GUF1: variants seen among roughly 807,000 people sequenced by gnomAD.
GUF1 encodes the protein translation factor GUF1, mitochondrial.
A neutral mutation model predicts 82.4 loss-of-function variants in GUF1; 78 were observed. The ratio of observed to expected loss-of-function variants is 0.95; its 90% CI spans 0.79 to 1.14. GUF1 has a LOEUF of 1.14. Ranked by LOEUF, GUF1 falls within the 50% of genes most tolerant of loss-of-function variation. GUF1 has a pLI of 0.00. For synonymous variants in GUF1, 279 were observed against 282.3 expected, an observed-to-expected ratio of 0.99 and a Z score of 0.12; for missense variants, 814 against 798.2, an observed-to-expected ratio of 1.02 and a Z score of -0.24.
chr4:44,697,332 G>A, intron 15 of GUF1, 76 bp from the exon 16 acceptor site: 1 of 822,570 alleles, frequency 1.2e-6, no homozygotes, highest in Non-Finnish European at 1.9e-6. Context: ...GTAAAGGGGA[G>A]ATTGTTTTTG....
At chr4:44,681,806 TC>T (rs1475931026) in intron 4 of GUF1, among the ~76,000 whole-genome samples, 1 of 152,066 alleles carries the variant, frequency 6.6e-6, no homozygotes, top group East Asian at 1.9e-4. Context: ...CCTGATCCCA[TC>T]AAGGAAAGTC....
chr4:44,698,510 A>G, intron 16 of GUF1, 34 bp from the exon 17 acceptor site: 4 of 1,537,994 alleles, frequency 2.6e-6, no homozygotes, highest in Non-Finnish European at 3.5e-6. Context: ...CTTTAGAGTG[A>G]CTTAGACTTC....
chr4:44,683,854 C>T (rs892390300), intron 6 of GUF1, among the ~76,000 whole-genome samples: 1 of 151,984 alleles, frequency 6.6e-6, no homozygotes, highest in African/African-American at 2.4e-5. Context: ...GTTAAACAGC[C>T]ACAGCCAAAC....
chr4:44,683,167 G>A lies in GUF1; in HGVS notation c.586-68G>A, dbSNP rs4695035. On this transcript the variant is annotated intron_variant, in intron 5 of 16. Transcript: ENST00000281543. ...AGTGGGTAAGCTTTTAATTACCTCCGAATACTGTTAATACATAATACATCT... is the reference window on the plus strand; with the variant it reads ...AGTGGGTAAGCTTTTAATTACCTCCAAATACTGTTAATACATAATACATCT... 24 of 967,820 alleles carry A rather than the reference G, an allele frequency of 2.5e-5. 1 individual carries two copies. Among genetic ancestry groups the A allele is most frequent in the African/African-American group, 1.9e-4 (11 of 56,730 alleles). The allele number at this position is 967,820 out of a possible 1,614,324, so 60.0% of individuals were successfully genotyped here.
At chr4:44,679,281 T>C (rs1714629588) in intron 1 of GUF1, among the ~76,000 whole-genome samples, 1 of 152,190 alleles carries the variant, frequency 6.6e-6, no homozygotes, top group Non-Finnish European at 1.5e-5. Flanking sequence ...TTTAGACTAA[T>C]ACCTAGAATG....
At chr4:44,685,756 C>T (rs1715008577) in intron 6 of GUF1, among the ~76,000 whole-genome samples, 1 of 152,022 alleles carries the variant, frequency 6.6e-6, no homozygotes, top group Non-Finnish European at 1.5e-5. Flanking sequence ...TAATTCCATT[C>T]TAGAACTGTA....
In GUF1 at chr4:44,689,358, C is replaced by A; in HGVS notation, c.1151C>A (p.Ser384Tyr). ...SAIEKLTLNDSSVTVHRDSSL... is the reference protein window; with the variant it reads ...SAIEKLTLNDYSVTVHRDSSL... ...ATAGAAAAACTGACTTTAAATGATT[C>A]CAGTGTGACCGTTCATCGGGATAGT... is the stretch of plus-strand genomic sequence containing the variant. Residue 384 changes from serine (S) to tyrosine (Y), a missense_variant, in exon 10 of 17, where the codon TCC becomes TAC. Physicochemically the swap from Ser to Tyr is moderately radical, Grantham distance 144 (BLOSUM62 -2). Transcript: ENST00000281543. 6.2e-7 allele frequency: 1 copy of A among 1,609,818 alleles called. No homozygotes were observed. Among genetic ancestry groups the A allele is most frequent in the South Asian group, 1.1e-5 (1 of 90,798 alleles).
At chr4:44,683,660 C>T (rs1268394141) in intron 6 of GUF1, among the ~76,000 whole-genome samples, 3 of 152,068 alleles carry the variant, frequency 2.0e-5, no homozygotes, top group Admixed American at 2.0e-4. Context: ...AGTGGAAATA[C>T]TGTCTTTGAA....
intron 10 of GUF1, 67 bp downstream of exon 10, chr4:44,689,476 TA>T: frequency 6.9e-7 from 1 of 1,448,834 alleles, no homozygotes. Flanking sequence ...AAAATATTTT[TA>T]TAGGAAAGGG....
intron 4 of GUF1, among the ~76,000 whole-genome samples, chr4:44,681,839 G>C (rs1714790116): frequency 6.6e-6 from 1 of 151,960 alleles, no homozygotes; most frequent in Non-Finnish European, 1.5e-5. Flanking sequence ...TATGTAGGCA[G>C]TACTGGCCTT....
chr4:44,686,400 T>C lies in GUF1; in HGVS notation c.735-110T>C, dbSNP rs563095434. 689 of 588,906 alleles carry C rather than the reference T, an allele frequency of 1.2e-3. 1 individual carries two copies. The African/African-American group carries it at 0.012, about 10-fold the overall frequency. 36.5% of individuals were successfully genotyped at this position (588,906 alleles called of 1,614,324 possible). On this transcript the variant is annotated intron_variant, in intron 7 of 16. Coordinates refer to ENST00000281543, the MANE Select transcript of GUF1 (RefSeq NM_021927.3). ...AAAGGTCTTTTTATTTAGGCTGTTG[T>C]GTATCAAACTTTCTCAAGAACTCAA... is the stretch of plus-strand genomic sequence containing the variant.
Position 44,691,801 on chromosome 4 carries a change from TA to T in GUF1, c.1613+9del. 7.6e-6 allele frequency: 12 copies of T among 1,574,420 alleles called. No homozygotes were observed. The highest frequency in any genetic ancestry group is 1.9e-5 in the Admixed American group (1 of 53,098). On this transcript the variant is annotated splice_donor_region_variant and intron_variant, in intron 13 of 16. Coordinates refer to ENST00000281543, the MANE Select transcript of GUF1 (RefSeq NM_021927.3). ...ATCCCTATCTTCTGGATATGCTAGG[TA>T]AAAAAATAATGAGAACCTAAGATGC...
chr4:44,689,313 A>G lies in GUF1; in HGVS notation c.1106A>G (p.Tyr369Cys), dbSNP rs1240941969. 3 of 1,609,370 alleles carry G rather than the reference A, an allele frequency of 1.9e-6. No individual in the cohort carries two copies. The highest frequency in any genetic ancestry group is 1.7e-5 in the Admixed American group (1 of 59,634). The change falls in exon 10 of 17, where the codon TAT becomes TGT. Residue 369 changes from tyrosine to cysteine, a missense_variant. Transcript: ENST00000281543. ...AGMYPLDQSE[Y>C]NNLKSAIEKL... ...ATGTATCCTCTAGACCAATCTGAATATAACAATCTGAAGAGTGCTATAGAA... is the reference window on the plus strand; with the variant it reads ...ATGTATCCTCTAGACCAATCTGAATGTAACAATCTGAAGAGTGCTATAGAA...
intron 5 of GUF1, among the ~76,000 whole-genome samples, chr4:44,682,993 C>A (rs369071953): frequency 6.6e-6 from 1 of 151,954 alleles, no homozygotes; most frequent in African/African-American, 2.4e-5. Flanking sequence ...ATCTCTTCTG[C>A]TGCCCTGGGT....
In GUF1 at chr4:44,678,757, C is replaced by G; in HGVS notation, c.135C>G (p.Thr45=). The change falls in exon 1 of 17, where the codon ACC becomes ACG. Residue 45 remains threonine (T), a synonymous_variant. Transcript: ENST00000281543. ...GGGCTGCTCCAGAGTCCTGGGCTAC[C>G]GACAGGCTCTACAGCTCCGCAGAAT... ...TLGAAPESWA[T]DRLYSSAEFK... is the part of the protein sequence containing the mutation. 6.4e-7 allele frequency: 1 copy of G among 1,551,552 alleles called. No homozygotes were observed. Among genetic ancestry groups the G allele is most frequent in the Non-Finnish European group, 8.6e-7 (1 of 1,156,294 alleles).
At chr4:44,685,802 A>G (rs372366433) in intron 6 of GUF1, among the ~76,000 whole-genome samples, 157 bp from the exon 7 acceptor site, 36 of 152,226 alleles carry the variant, frequency 2.4e-4, no homozygotes, top group African/African-American at 8.7e-4. Context: ...GTATTTGTCA[A>G]TATACTGTTT....
At chr4:44,686,880 A>G (rs1277331791) in intron 8 of GUF1, among the ~76,000 whole-genome samples, 167 bp downstream of exon 8, 1 of 151,958 alleles carries the variant, frequency 6.6e-6, no homozygotes, top group Non-Finnish European at 1.5e-5. Flanking sequence ...TGGGAAGGAC[A>G]ATAGAAACGT....
intron 3 of GUF1, 84 bp from the exon 4 acceptor site, chr4:44,681,039 C>A: frequency 8.0e-7 from 1 of 1,252,710 alleles, no homozygotes; most frequent in Non-Finnish European, 1.2e-6. Flanking sequence ...CAGCTTTTAT[C>A]AAGTAAAGTC....
chr4:44,685,380 TC>T (rs1169832294), intron 6 of GUF1, among the ~76,000 whole-genome samples: 1 of 152,016 alleles, frequency 6.6e-6, no homozygotes, highest in Non-Finnish European at 1.5e-5. Flanking sequence ...AACTGAGAAA[TC>T]CTAGTCTAGA....
Sources: allele counts gnomAD v4.1 joint callset (sites outside exome capture counted in the v4.1 genomes callset), GRCh38; gene constraint gnomAD v4.1.1; transcripts MANE v1.5; gene names NCBI Gene and HGNC (gene_info 2026-07-23, HGNC 2026-07-21).